Variants in TNN observed in about 807,000 individuals in gnomAD.
TNN encodes the protein tenascin N.
A neutral mutation model predicts 134.4 loss-of-function variants in TNN; 122 were observed. That is an observed-to-expected ratio of 0.91 (90% CI 0.78 to 1.06). The LOEUF (loss-of-function observed/expected upper bound fraction) is 1.06. Among genes scored for constraint, TNN ranks in the 50% least tolerant of loss-of-function variants. The pLI is 0.00. For missense variants in TNN, 1,739 were observed against 1,699.4 expected (o/e 1.02, Z -0.41); for synonymous variants, 710 against 670.3 (o/e 1.06, Z -0.91).
chr1:175,097,196 G>C (rs1166329472), intron 7 of TNN, among the ~76,000 whole-genome samples: 1 of 152,162 alleles, frequency 6.6e-6, no homozygotes, highest in Non-Finnish European at 1.5e-5. Flanking sequence ...AGTTGATAAA[G>C]ATGCTGGCTT....
intron 1 of TNN, among the ~76,000 whole-genome samples, chr1:175,076,011 A>G (rs1490298442): frequency 6.6e-6 from 1 of 152,204 alleles, no homozygotes; most frequent in African/African-American, 2.4e-5. Context: ...TCTGCAGATC[A>G]CTTTCTAGAT....
chr1:175,129,018 A>G lies in TNN; in HGVS notation c.3330+272A>G, dbSNP rs184168542. On this transcript the variant is annotated intron_variant, in intron 15 of 18. Coordinates refer to ENST00000239462, the MANE Select transcript of TNN (RefSeq NM_022093.2). Reference sequence around the variant, plus strand: ...GCAAAGCAAAAGCAAGTTTATTAAGAAAGTAAAGTGGTGAAAGTACAGCTA... The same window carrying G: ...GCAAAGCAAAAGCAAGTTTATTAAGGAAGTAAAGTGGTGAAAGTACAGCTA... Among the ~76,000 whole-genome samples the G allele has an allele frequency of 3.9e-3, 600 of 152,272 alleles. 3 individuals carry two copies. Among genetic ancestry groups the G allele is most frequent in the Non-Finnish European group, 5.2e-3 (351 of 68,018 alleles).
intron 6 of TNN, among the ~76,000 whole-genome samples, chr1:175,089,014 T>A (rs1373802180): frequency 6.6e-6 from 1 of 152,222 alleles, no homozygotes; most frequent in East Asian, 1.9e-4. Context: ...AAAGTGTTTT[T>A]ATTGTCAATT....
chr1:175,109,605 G>A (rs912336178), intron 9 of TNN, among the ~76,000 whole-genome samples: 11 of 151,182 alleles, frequency 7.3e-5, no homozygotes, highest in African/African-American at 2.4e-5. Flanking sequence ...TTGCTGCAAA[G>A]GAAAGGATTT....
Position 175,117,110 on chromosome 1 carries a change from T to C in TNN, c.2291T>C (p.Leu764Pro). 6.2e-7 allele frequency: 1 copy of C among 1,614,220 alleles called. No individual in the cohort carries two copies. Among genetic ancestry groups the C allele is most frequent in the Non-Finnish European group, 8.5e-7 (1 of 1,180,032 alleles). The change falls in exon 10 of 19, where the codon CTG (leucine) becomes CCG (proline). Residue 764 changes from leucine to proline, a missense_variant. Coordinates refer to ENST00000239462, the MANE Select transcript of TNN (RefSeq NM_022093.2). ...GGGAAGGAGCAGAGTAGCACTGTCC[T>C]GACGGGCCTGAGGCCGGGTGTGGAG... ...PVGKEQSSTV[L>P]TGLRPGVEYT...
chr1:175,109,140 C>T (rs1271932651), intron 9 of TNN, among the ~76,000 whole-genome samples: 2 of 121,646 alleles, frequency 1.6e-5, no homozygotes, highest in East Asian at 2.5e-4. Context: ...GGACTGCGGA[C>T]TGCAGTGGCG....
intron 5 of TNN, among the ~76,000 whole-genome samples, chr1:175,084,889 G>A (rs1674288699): frequency 6.6e-6 from 1 of 152,202 alleles, no homozygotes; most frequent in South Asian, 2.1e-4. Flanking sequence ...CTACTTAAGA[G>A]GCTGAGGCGG....
intron 15 of TNN, among the ~76,000 whole-genome samples, chr1:175,132,714 G>A (rs1231921511): frequency 2.0e-5 from 3 of 152,182 alleles, no homozygotes; most frequent in Non-Finnish European, 4.4e-5. Context: ...GGCTGCCTCA[G>A]CAATCCCCAC....
At chr1:175,117,333 A>G in intron 10 of TNN, 128 bp downstream of exon 10, 4 of 1,463,042 alleles carry the variant, frequency 2.7e-6, no homozygotes, top group Admixed American at 2.4e-5. Context: ...GCATCCCTTC[A>G]TAACAGATTG....
At chr1:175,094,345 C>G (rs1674520227) in intron 7 of TNN, 92 bp downstream of exon 7, 4 of 1,322,544 alleles carry the variant, frequency 3.0e-6, no homozygotes, top group African/African-American at 3.0e-5. Context: ...CTGGCATCAG[C>G]TCTTTTGTTT....
At chr1:175,110,601 T>C (rs919335921) in intron 9 of TNN, among the ~76,000 whole-genome samples, 1 of 152,246 alleles carries the variant, frequency 6.6e-6, no homozygotes, top group Non-Finnish European at 1.5e-5. Context: ...TCAATTTTCC[T>C]AGAACTATTT....
chr1:175,077,508 T>C lies in TNN; in HGVS notation c.90T>C (p.Pro30=), dbSNP rs1674072083. The C allele has an allele frequency of 6.2e-7, 1 of 1,613,882 alleles. No homozygotes were observed. The highest frequency in any genetic ancestry group is 8.5e-7 in the Non-Finnish European group (1 of 1,180,038). The change falls in exon 2 of 19, where the codon CCT becomes CCC. Residue 30 remains proline (P), a synonymous_variant. Transcript: ENST00000239462. ...CTTCGGCCCCAGCCACTCTGGAGCCTCCCGGCTGCAGCAACAAGGAGCAAC... is the reference window on the plus strand; with the variant it reads ...CTTCGGCCCCAGCCACTCTGGAGCCCCCCGGCTGCAGCAACAAGGAGCAAC... ...LVASAPATLE[P]PGCSNKEQQV...
intron 3 of TNN, among the ~76,000 whole-genome samples, 174 bp from the exon 4 acceptor site, chr1:175,079,989 G>A (rs534388273): frequency 1.4e-4 from 21 of 152,050 alleles, no homozygotes; most frequent in Non-Finnish European, 1.5e-4. Context: ...TGTGTGGTGA[G>A]GGGGTCAGTA....
At chr1:175,097,820 G>A (rs749783069) in intron 8 of TNN, 137 bp downstream of exon 8, 103 of 1,253,142 alleles carry the variant, frequency 8.2e-5, no homozygotes, top group East Asian at 1.3e-4. Context: ...CTGAGCTCTC[G>A]TGGTGATGGC....
rs1374411606 is a variant in TNN at position 175,118,690 on chromosome 1, G to A, written c.2516G>A (p.Arg839Lys). 6.2e-7 allele frequency: 1 copy of A among 1,614,258 alleles called. No homozygotes were observed. Among genetic ancestry groups the A allele is most frequent in the Non-Finnish European group, 8.5e-7 (1 of 1,180,048 alleles). Residue 839 changes from arginine to lysine, a missense_variant, in exon 11 of 19, where the codon AGG (arginine) becomes AAG (lysine). Arg to Lys is a conservative substitution (Grantham distance 26). Coordinates refer to ENST00000239462, the MANE Select transcript of TNN (RefSeq NM_022093.2). ...TACACGTCTGCCAACGGAGAGACCA[G>A]GGAGGTTCCAGTGGGGAAGGAGCAG... ...VHYTSANGET[R>K]EVPVGKEQSS...
chr1:175,086,180 C>A (rs1371333058), intron 6 of TNN, among the ~76,000 whole-genome samples: 1 of 152,130 alleles, frequency 6.6e-6, no homozygotes, highest in East Asian at 1.9e-4. Flanking sequence ...CTTGCCACAC[C>A]TGTGTTTTTT....
intron 5 of TNN, among the ~76,000 whole-genome samples, chr1:175,084,610 CTTA>C (rs948025692): frequency 1.3e-5 from 2 of 152,146 alleles, no homozygotes; most frequent in Non-Finnish European, 1.5e-5. Flanking sequence ...AAGTGTGGGG[CTTA>C]TTAGCTTCAT....
intron 8 of TNN, among the ~76,000 whole-genome samples, 170 bp from the exon 9 acceptor site, chr1:175,098,162 G>A (rs1674618160): frequency 6.6e-6 from 1 of 152,202 alleles, no homozygotes; most frequent in African/African-American, 2.4e-5. Context: ...CTCCTTTGAA[G>A]TTCAGAACCA....
chr1:175,074,092 C>A (rs1457228785), intron 1 of TNN, among the ~76,000 whole-genome samples: 1 of 152,270 alleles, frequency 6.6e-6, no homozygotes, highest in African/African-American at 2.4e-5. Flanking sequence ...TTCCTCCGGG[C>A]CAGAATCAGG....
Sources: gnomAD v4.1 joint callset for allele counts (sites outside exome capture counted in the v4.1 genomes callset) on GRCh38, gnomAD v4.1.1 for gene constraint, MANE v1.5 for transcripts, NCBI Gene and HGNC (gene_info 2026-07-23, HGNC 2026-07-21) for gene names.